Variants in FRMD5 observed in about 807,000 individuals in gnomAD.
FRMD5 encodes FERM domain-containing protein 5.
In FRMD5, 20 loss-of-function variants were observed where a neutral mutation model predicts 69.0. That is an observed-to-expected ratio of 0.29 (90% CI 0.20 to 0.42). The LOEUF (loss-of-function observed/expected upper bound fraction) is 0.42. FRMD5 is among the 10% of genes least tolerant of loss of function. FRMD5 has a pLI of 1.00. For missense variants in FRMD5, 595 were observed against 708.6 expected (o/e 0.84, Z 1.82); for synonymous variants, 271 against 260.1 (o/e 1.04, Z -0.40).
chr15:43,966,577 G>C (rs1476098093), intron 1 of FRMD5, among the ~76,000 whole-genome samples: 1 of 152,178 alleles, frequency 6.6e-6, no homozygotes. Context: ...AGACTCCATA[G>C]AAGAGAAGGA....
intron 1 of FRMD5, among the ~76,000 whole-genome samples, chr15:43,969,352 T>C (rs2090342169): frequency 6.6e-6 from 1 of 152,162 alleles, no homozygotes; most frequent in Non-Finnish European, 1.5e-5. Flanking sequence ...AAAGTTTTGC[T>C]GGGATTACAG....
chr15:44,197,886 A>G (rs909728909), upstream of FRMD5, among the ~76,000 whole-genome samples: 4 of 152,210 alleles, frequency 2.6e-5, no homozygotes, highest in Non-Finnish European at 5.9e-5. Context: ...GCAAAGCACT[A>G]TGAATCCAGA....
At chr15:43,970,735 G>C (rs1225305616) in intron 1 of FRMD5, among the ~76,000 whole-genome samples, 1 of 152,152 alleles carries the variant, frequency 6.6e-6, no homozygotes, top group Non-Finnish European at 1.5e-5. Context: ...TTACAGGCGT[G>C]AGCCACCGTA....
At chr15:44,113,029 T>A (rs945340959) in intron 1 of FRMD5, among the ~76,000 whole-genome samples, 1 of 152,244 alleles carries the variant, frequency 6.6e-6, no homozygotes, top group Non-Finnish European at 1.5e-5. Flanking sequence ...CTTATAGGAA[T>A]GGTTCTACAT....
At chr15:43,946,519 C>T (rs980418124) in intron 1 of FRMD5, among the ~76,000 whole-genome samples, 2 of 152,058 alleles carry the variant, frequency 1.3e-5, no homozygotes, top group Non-Finnish European at 2.9e-5. Flanking sequence ...ATTCTCTTTC[C>T]ACTACAACAC....
chr15:43,942,049 C>T (rs2089872931), intron 1 of FRMD5, among the ~76,000 whole-genome samples: 1 of 152,134 alleles, frequency 6.6e-6, no homozygotes, highest in South Asian at 2.1e-4. Context: ...TTTTCTCTAA[C>T]TTAAGGATAT....
chr15:43,917,302 T>G (rs1196632893), intron 4 of FRMD5, among the ~76,000 whole-genome samples: 1 of 152,182 alleles, frequency 6.6e-6, no homozygotes, highest in African/African-American at 2.4e-5. Context: ...CAGTACCTCT[T>G]TTAGCAGAGA....
intron 1 of FRMD5, among the ~76,000 whole-genome samples, chr15:43,986,471 A>G (rs1353019825): frequency 6.6e-6 from 1 of 152,230 alleles, no homozygotes. Flanking sequence ...ATCAATGTAA[A>G]TGAGGAAAGT....
At chr15:44,054,374 T>C (rs775164477) in intron 1 of FRMD5, among the ~76,000 whole-genome samples, 1 of 152,198 alleles carries the variant, frequency 6.6e-6, no homozygotes, top group Non-Finnish European at 1.5e-5. Context: ...AACAACTGTT[T>C]ACAACCATAA....
At chr15:43,962,964 C>A (rs893158094) in intron 1 of FRMD5, among the ~76,000 whole-genome samples, 10 of 152,172 alleles carry the variant, frequency 6.6e-5, no homozygotes, top group African/African-American at 2.4e-4. Context: ...TAGAAGAAAA[C>A]GTAGGCAATA....
At position 43,909,970 on chromosome 15, in the gene FRMD5, G is replaced by C; in HGVS notation, c.339C>G (p.Val113=). Reference sequence around the variant, plus strand: ...AGAGATCCCTTTTGATCTGCAGGAAGACTAAATACCTGGAGAGAAAACAGA... The same window carrying C: ...AGAGATCCCTTTTGATCTGCAGGAACACTAAATACCTGGAGAGAAAACAGA... ...ALKEEITRYL[V]FLQIKRDLYH... The change falls in exon 5 of 14, where the codon GTC becomes GTG. Residue 113 remains valine, a synonymous_variant. Transcript: ENST00000417257. 1 of 1,588,298 alleles carries C rather than the reference G, an allele frequency of 6.3e-7. No homozygotes were observed.
At chr15:43,901,948 T>C (rs549231986) in intron 7 of FRMD5, 2 of 512,832 alleles carry the variant, frequency 3.9e-6, no homozygotes, top group Admixed American at 3.6e-5. Context: ...GGATTTGTTA[T>C]TTAGATTGAC....
At chr15:44,040,752 A>G (rs1450593355) in intron 1 of FRMD5, among the ~76,000 whole-genome samples, 1 of 152,130 alleles carries the variant, frequency 6.6e-6, no homozygotes, top group Non-Finnish European at 1.5e-5. Flanking sequence ...AAGAAACTGC[A>G]TCAACTAACA....
intron 1 of FRMD5, among the ~76,000 whole-genome samples, chr15:44,002,642 G>A (rs1284085226): frequency 6.6e-6 from 1 of 152,076 alleles, no homozygotes; most frequent in Non-Finnish European, 1.5e-5. Context: ...ACTGGTAATT[G>A]GAATGGAACA....
At chr15:44,122,568 C>CAAACA (rs1444638309) in intron 1 of FRMD5, among the ~76,000 whole-genome samples, 45 of 151,084 alleles carry the variant, frequency 3.0e-4, no homozygotes, top group African/African-American at 8.3e-4. Context: ...GACCCTGCCT[C>CAAACA]AAACAAAACA....
intron 1 of FRMD5, among the ~76,000 whole-genome samples, chr15:44,153,535 G>C (rs1054030407): frequency 1.3e-5 from 2 of 152,198 alleles, no homozygotes; most frequent in African/African-American, 4.8e-5. Context: ...GGTTACCAGG[G>C]GTTGAGGGGA....
In FRMD5 at chr15:43,919,487, G is replaced by C. The variant is rs777634983; in HGVS notation, c.301C>G (p.Pro101Ala). The change falls in exon 4 of 14, where the codon CCT becomes GCT. Residue 101 changes from proline (P) to alanine (A), a missense_variant. This residue lies in a region of FRMD5 where 79 missense variants were observed against 139.9 expected (regional missense o/e 0.56). Coordinates refer to ENST00000417257, the MANE Select transcript of FRMD5 (RefSeq NM_032892.5). ...GTTATTTCTTCTTTCAGAGCAGCAG[G>C]GTCTGCAGGATAAAACTTCACACGG... ...CFRVKFYPAD[P>A]AALKEEITRY... is the part of the protein sequence containing the mutation. 6.2e-6 allele frequency: 10 copies of C among 1,613,850 alleles called. No individual in the cohort carries two copies. Among genetic ancestry groups the C allele is most frequent in the African/African-American group, 2.7e-5 (2 of 74,858 alleles).
At chr15:44,003,749 C>A (rs571293815) in intron 1 of FRMD5, among the ~76,000 whole-genome samples, 1 of 152,328 alleles carries the variant, frequency 6.6e-6, no homozygotes, top group South Asian at 2.1e-4. Context: ...CTCTAGCAGT[C>A]CCCATTTTCC....
intron 1 of FRMD5, among the ~76,000 whole-genome samples, chr15:44,189,605 C>T (rs1270519707): frequency 6.6e-6 from 1 of 151,920 alleles, no homozygotes; most frequent in Non-Finnish European, 1.5e-5. Context: ...TCTCCTGCCT[C>T]AGCCTCCCGA....
Sources: gnomAD v4.1 joint callset for allele counts (sites outside exome capture counted in the v4.1 genomes callset) on GRCh38, gnomAD v4.1.1 for gene constraint, gnomAD v4.1.1 regional missense constraint, MANE v1.5 for transcripts, NCBI Gene and HGNC (gene_info 2026-07-23, HGNC 2026-07-21) for gene names.